The following SNX4 variants were observed in gnomAD, a reference collection of about 807,000 sequenced individuals.
SNX4 encodes sorting nexin 4.
Under a neutral mutation model 70.8 loss-of-function variants are expected in SNX4, and 49 were observed. That is an observed-to-expected ratio of 0.69 (90% CI 0.55 to 0.88). SNX4 has a LOEUF of 0.88. Ranked by LOEUF, SNX4 falls within the 40% of genes least tolerant of loss-of-function variation. The pLI, the probability that SNX4 is intolerant of heterozygous loss-of-function variation, is 0.00. For missense variants in SNX4, 528 were observed against 544.8 expected, an observed-to-expected ratio of 0.97 and a Z score of 0.31; for synonymous variants, 206 against 183.8, an observed-to-expected ratio of 1.12 and a Z score of -0.98.
At chr3:125,479,804 C>G (rs758346287) in intron 7 of SNX4, among the ~76,000 whole-genome samples, 9 of 152,106 alleles carry the variant, frequency 5.9e-5, no homozygotes, top group Non-Finnish European at 1.2e-4. Context: ...AATTATTATT[C>G]CTTGATTTCT....
chr3:125,474,468 C>T (rs116717852), intron 8 of SNX4, among the ~76,000 whole-genome samples: 366 of 151,738 alleles, frequency 2.4e-3, no homozygotes, highest in African/African-American at 8.4e-3. Context: ...TAGGCATGTG[C>T]CACCATGCCT....
chr3:125,449,291 A>G (rs1559806950), intron 13 of SNX4: 1 of 151,892 alleles, frequency 6.6e-6, no homozygotes, highest in African/African-American at 2.4e-5. Context: ...GCATGGTGAC[A>G]CACACCTGTA....
rs568105600 is a variant in SNX4 at position 125,483,020 on chromosome 3, G to A, written c.654-2701C>T. ...TCTCTGGGGAGGGGAAATGGATAGA[G>A]AGGAACAGGAATGAGACTTTTCACT... On this transcript the variant is annotated intron_variant, in intron 6 of 13. Coordinates refer to ENST00000251775, the MANE Select transcript of SNX4 (RefSeq NM_003794.4). Among the ~76,000 whole-genome samples the A allele has an allele frequency of 2.0e-5, 3 of 152,152 alleles. No individual in the cohort carries two copies. In the East Asian group the frequency reaches 5.8e-4, roughly 29 times the overall value.
intron 9 of SNX4, among the ~76,000 whole-genome samples, chr3:125,461,961 C>T (rs1579977703): frequency 1.3e-5 from 2 of 152,176 alleles, no homozygotes; most frequent in Non-Finnish European, 2.9e-5. Flanking sequence ...CCATTTTATA[C>T]TAATTCTTAA....
At chr3:125,451,691 A>G (rs1285000458) in intron 12 of SNX4, among the ~76,000 whole-genome samples, 1 of 151,664 alleles carries the variant, frequency 6.6e-6, no homozygotes, top group African/African-American at 2.4e-5. Context: ...TAGTGGCGTG[A>G]TCTTGGCTCA....
intron 7 of SNX4, among the ~76,000 whole-genome samples, chr3:125,478,630 C>G (rs1413870066): frequency 6.6e-6 from 1 of 152,000 alleles, no homozygotes; most frequent in African/African-American, 2.4e-5. Context: ...CTAACACTAA[C>G]TTTTCTAGAT....
chr3:125,504,050 G>T (rs911774126), intron 2 of SNX4, among the ~76,000 whole-genome samples: 1 of 151,934 alleles, frequency 6.6e-6, no homozygotes, highest in Non-Finnish European at 1.5e-5. Context: ...TTTTAAAACT[G>T]CCAGACACAG....
intron 9 of SNX4, among the ~76,000 whole-genome samples, chr3:125,465,981 C>T (rs906762432): frequency 2.0e-5 from 3 of 152,106 alleles, no homozygotes; most frequent in African/African-American, 4.8e-5. Context: ...GGAGAACTGA[C>T]ATCTTAACAA....
intron 5 of SNX4, among the ~76,000 whole-genome samples, chr3:125,492,433 T>A (rs1034665198): frequency 6.6e-6 from 1 of 152,118 alleles, no homozygotes; most frequent in Non-Finnish European, 1.5e-5. Flanking sequence ...TCTTTTTTTT[T>A]TTCAAGACAG....
At chr3:125,482,000 C>T (rs1429267879) in intron 6 of SNX4, among the ~76,000 whole-genome samples, 2 of 152,086 alleles carry the variant, frequency 1.3e-5, no homozygotes, top group Non-Finnish European at 2.9e-5. Context: ...TCCCAAACAG[C>T]TGAGACTACA....
At chr3:125,452,906 C>T (rs776462392) in intron 12 of SNX4, among the ~76,000 whole-genome samples, 5 of 152,104 alleles carry the variant, frequency 3.3e-5, no homozygotes, top group Admixed American at 2.0e-4. Context: ...CATGAGCTAC[C>T]GCGCCCGGCC....
At chr3:125,498,713 C>A (rs959242479) in intron 2 of SNX4, among the ~76,000 whole-genome samples, 2 of 152,186 alleles carry the variant, frequency 1.3e-5, no homozygotes, top group African/African-American at 4.8e-5. Context: ...GCACTCAGAT[C>A]CATCTGATTT....
At chr3:125,510,542 G>T (rs934753443) in intron 1 of SNX4, among the ~76,000 whole-genome samples, 5 of 151,860 alleles carry the variant, frequency 3.3e-5, no homozygotes, top group Admixed American at 2.6e-4. Flanking sequence ...TGGATTTTTT[G>T]AACGTGATAT....
In SNX4 at chr3:125,506,817, T is replaced by TGAAAA. The variant is rs199752160; in HGVS notation, c.142-2074_142-2073insTTTTC. Among the ~76,000 whole-genome samples, 28 of 26,824 alleles carry TGAAAA rather than the reference T, an allele frequency of 1.0e-3. 1 individual carries two copies. Among genetic ancestry groups the TGAAAA allele is most frequent in the African/African-American group, 2.4e-3 (25 of 10,264 alleles). 17.6% of individuals were successfully genotyped at this position (26,824 alleles called of 152,430 possible). ...AACTTAAAGAAAGATGTGGAGAAAG[T>TGAAAA]AAAAAAAAAAAAAAAAAAAAAAAAA... is the stretch of plus-strand genomic sequence containing the variant. On this transcript the variant is annotated intron_variant, in intron 1 of 13. Transcript: ENST00000251775.
At chr3:125,500,370 T>A (rs1934899207) in intron 2 of SNX4, among the ~76,000 whole-genome samples, 1 of 152,160 alleles carries the variant, frequency 6.6e-6, no homozygotes, top group Non-Finnish European at 1.5e-5. Context: ...AGAGTTCCTA[T>A]TCAATGAAGA....
chr3:125,520,193 A>G lies in SNX4; in HGVS notation c.-21T>C. On this transcript the variant is annotated 5_prime_UTR_variant, in exon 1 of 14. Coordinates refer to ENST00000251775, the MANE Select transcript of SNX4 (RefSeq NM_003794.4). ...TCCATGGCTGCAGTTCGGCGCGGCG[A>G]ACCCAGTGCGCCTGCGCCGCCGCCG... 1 of 1,337,168 alleles carries G rather than the reference A, an allele frequency of 7.5e-7. No individual in the cohort carries two copies. Among genetic ancestry groups the G allele is most frequent in the South Asian group, 1.9e-5 (1 of 53,104 alleles). The allele number at this position is 1,337,168 out of a possible 1,614,324, so 82.8% of individuals were successfully genotyped here.
At chr3:125,483,724 C>T (rs1312250470) in intron 6 of SNX4, among the ~76,000 whole-genome samples, 2 of 152,074 alleles carry the variant, frequency 1.3e-5, no homozygotes, top group African/African-American at 2.4e-5. Context: ...GGGACAGAGA[C>T]AGATGTGCAC....
chr3:125,497,768 C>A, intron 4 of SNX4, 66 bp downstream of exon 4: 1 of 1,105,114 alleles, frequency 9.0e-7, no homozygotes, highest in Non-Finnish European at 1.3e-6. Context: ...AATAAGTATT[C>A]TACAATTTTT....
intron 5 of SNX4, among the ~76,000 whole-genome samples, chr3:125,496,108 A>G (rs1224227610): frequency 6.6e-6 from 1 of 152,130 alleles, no homozygotes; most frequent in African/African-American, 2.4e-5. Context: ...TGGGCAACAT[A>G]GTGAGACCTC....
Sources: allele counts gnomAD v4.1 joint callset (sites outside exome capture counted in the v4.1 genomes callset), GRCh38; gene constraint gnomAD v4.1.1; transcripts MANE v1.5; gene names NCBI Gene and HGNC (gene_info 2026-07-23, HGNC 2026-07-21).